The following LSAMP variants were observed in gnomAD, a reference collection of about 807,000 sequenced individuals.
LSAMP encodes the protein limbic system-associated membrane protein.
Under a neutral mutation model 38.6 loss-of-function variants are expected in LSAMP, and 7 were observed. That is an observed-to-expected ratio of 0.18 (90% CI 0.10 to 0.34). The LOEUF (loss-of-function observed/expected upper bound fraction) is 0.34, where lower values mean the gene tolerates loss of function less well. Among genes scored for constraint, LSAMP ranks in the 10% least tolerant of loss-of-function variants. The pLI, the probability that LSAMP is intolerant of heterozygous loss-of-function variation, is 1.00. For synonymous variants in LSAMP, 154 were observed against 166.8 expected, an observed-to-expected ratio of 0.92 and a Z score of 0.59; for missense variants, 313 against 420.0, an observed-to-expected ratio of 0.75 and a Z score of 2.23.
At chr3:116,253,007 G>A (rs967615202) in intron 1 of LSAMP, among the ~76,000 whole-genome samples, 56 of 152,084 alleles carry the variant, frequency 3.7e-4, no homozygotes, top group African/African-American at 1.3e-3. Context: ...TGGACTTCTC[G>A]AATCAATACG....
chr3:116,297,429 G>A (rs2047351327), intron 1 of LSAMP, among the ~76,000 whole-genome samples: 1 of 152,036 alleles, frequency 6.6e-6, no homozygotes, highest in Non-Finnish European at 1.5e-5. Flanking sequence ...AATACTGTAT[G>A]ATTATTTAAA....
chr3:115,961,789 A>G (rs1938632604), intron 3 of LSAMP, among the ~76,000 whole-genome samples: 1 of 152,192 alleles, frequency 6.6e-6, no homozygotes, highest in Non-Finnish European at 1.5e-5. Context: ...TCTATTTGAA[A>G]TGCCTCCCTC....
At chr3:116,222,939 C>T (rs1223694600) in intron 1 of LSAMP, among the ~76,000 whole-genome samples, 5 of 151,398 alleles carry the variant, frequency 3.3e-5, no homozygotes, top group South Asian at 2.1e-4. Flanking sequence ...GGGGTTTCAC[C>T]GTGTTAGCCA....
At chr3:116,137,508 C>G (rs1709277790) in intron 1 of LSAMP, among the ~76,000 whole-genome samples, 1 of 152,132 alleles carries the variant, frequency 6.6e-6, no homozygotes. Flanking sequence ...GAAACTTACA[C>G]TAGTTACTTT....
chr3:116,094,391 T>A (rs149237415), intron 1 of LSAMP, among the ~76,000 whole-genome samples: 7 of 152,348 alleles, frequency 4.6e-5, no homozygotes, highest in Non-Finnish European at 8.8e-5. Flanking sequence ...CTTGTGCATG[T>A]CTGTTCTCCT....
intron 3 of LSAMP, among the ~76,000 whole-genome samples, chr3:115,858,941 A>G (rs986071145): frequency 6.6e-6 from 1 of 152,218 alleles, no homozygotes; most frequent in African/African-American, 2.4e-5. Flanking sequence ...CCCTAAGGAC[A>G]TGCTCTCACC....
At chr3:115,901,744 C>G (rs1269273671) in intron 3 of LSAMP, among the ~76,000 whole-genome samples, 1 of 152,132 alleles carries the variant, frequency 6.6e-6, no homozygotes, top group African/African-American at 2.4e-5. Context: ...CTTATCAAGG[C>G]TTTAGTTCAA....
At chr3:116,301,001 T>C (rs1310830206) in intron 1 of LSAMP, among the ~76,000 whole-genome samples, 2 of 151,942 alleles carry the variant, frequency 1.3e-5, no homozygotes, top group Non-Finnish European at 2.9e-5. Flanking sequence ...ACGTGGTTAT[T>C]CAGTCTCAGA....
At chr3:115,934,390 T>G (rs1361811186) in intron 3 of LSAMP, among the ~76,000 whole-genome samples, 1 of 151,944 alleles carries the variant, frequency 6.6e-6, no homozygotes, top group Non-Finnish European at 1.5e-5. Flanking sequence ...TTGGCCAGGG[T>G]GGTCTTGAAC....
At chr3:115,957,316 T>C (rs1246712267) in intron 3 of LSAMP, among the ~76,000 whole-genome samples, 3 of 152,210 alleles carry the variant, frequency 2.0e-5, no homozygotes, top group Non-Finnish European at 4.4e-5. Flanking sequence ...TGGCTCGTGT[T>C]GAAAAACAGA....
At chr3:116,245,066 A>G (rs2046587445) in intron 1 of LSAMP, among the ~76,000 whole-genome samples, 2 of 152,182 alleles carry the variant, frequency 1.3e-5, no homozygotes, top group African/African-American at 4.8e-5. Flanking sequence ...GAATGTGACT[A>G]TACTAGGAGA....
intron 3 of LSAMP, among the ~76,000 whole-genome samples, chr3:115,988,418 G>T (rs1431581489): frequency 1.3e-5 from 2 of 152,046 alleles, no homozygotes; most frequent in African/African-American, 4.8e-5. Context: ...GGATATCAGG[G>T]TAGGGAATAG....
chr3:116,339,276 A>G (rs776342292), intron 1 of LSAMP, among the ~76,000 whole-genome samples: 4 of 146,432 alleles, frequency 2.7e-5, no homozygotes, highest in Non-Finnish European at 4.5e-5. Context: ...TACTCCCCTT[A>G]TATAGATTTT....
At chr3:115,847,515 C>T (rs534504626) in intron 4 of LSAMP, among the ~76,000 whole-genome samples, 2 of 152,268 alleles carry the variant, frequency 1.3e-5, no homozygotes, top group South Asian at 2.1e-4. Flanking sequence ...GCTGTGTTCC[C>T]ACCCAAAATC....
chr3:115,984,634 GTATTAA>G (rs1438528066), intron 3 of LSAMP, among the ~76,000 whole-genome samples: 5 of 152,166 alleles, frequency 3.3e-5, no homozygotes, highest in African/African-American at 1.2e-4. Context: ...GCAGTACCTA[GTATTAA>G]TATTAAGAAT....
chr3:116,256,699 C>G (rs1301172305), intron 1 of LSAMP, among the ~76,000 whole-genome samples: 1 of 152,142 alleles, frequency 6.6e-6, no homozygotes. Flanking sequence ...CTGGTCCTCT[C>G]TTTTCTTTCT....
At chr3:115,917,513 C>T (rs778163445) in intron 3 of LSAMP, among the ~76,000 whole-genome samples, 2 of 152,194 alleles carry the variant, frequency 1.3e-5, no homozygotes, top group Non-Finnish European at 2.9e-5. Context: ...CTTTTTCCTA[C>T]TCTCAGAAAC....
intron 1 of LSAMP, among the ~76,000 whole-genome samples, chr3:116,138,317 T>C (rs952604968): frequency 2.0e-5 from 3 of 152,124 alleles, no homozygotes; most frequent in Non-Finnish European, 4.4e-5. Flanking sequence ...TAATTCATAA[T>C]TCAATCCTCA....
chr3:116,288,762 T>A (rs758107367), intron 1 of LSAMP, among the ~76,000 whole-genome samples: 1 of 152,220 alleles, frequency 6.6e-6, no homozygotes, highest in Non-Finnish European at 1.5e-5. Flanking sequence ...TTTCTTTTGC[T>A]ACCAAACCAG....
Sources: gnomAD v4.1 joint callset for allele counts (sites outside exome capture counted in the v4.1 genomes callset) on GRCh38, gnomAD v4.1.1 for gene constraint, MANE v1.5 for transcripts, NCBI Gene and HGNC (gene_info 2026-07-23, HGNC 2026-07-21) for gene names.